Variants in KLF16 observed in about 807,000 individuals in gnomAD.
KLF16 encodes Krueppel-like factor 16.
A neutral mutation model predicts 6.1 loss-of-function variants in KLF16; 6 were observed. The ratio of observed to expected loss-of-function variants is 0.98; its 90% CI spans 0.54 to 1.93. The LOEUF (loss-of-function observed/expected upper bound fraction) is 1.93, where lower values mean the gene tolerates loss of function less well. Ranked by LOEUF, KLF16 falls within the 30% of genes most tolerant of loss-of-function variation. The pLI, the probability that KLF16 is intolerant of heterozygous loss-of-function variation, is 0.01. For missense variants in KLF16, 355 were observed against 363.8 expected, an observed-to-expected ratio of 0.98 and a Z score of 0.20; for synonymous variants, 211 against 176.5, an observed-to-expected ratio of 1.20 and a Z score of -1.55.
At chr19:1,873,617 T>C in the KLF16 span, among the ~76,000 whole-genome samples, 1 of 151,842 alleles carries the variant, frequency 6.6e-6, no homozygotes, top group Non-Finnish European at 1.5e-5. Flanking sequence ...TGAACAAGTG[T>C]GTCCTGGAAA....
chr19:1,863,027 G>A lies in KLF16; in HGVS notation c.457+14C>T, dbSNP rs763708980. On this transcript the variant is annotated intron_variant, in intron 1 of 1. Transcript: ENST00000250916. ...GGCCGCCCCCGCAAGGGCCGGGATC[G>A]CGGCTGCACTCACCTGTGTGCGTCC... 2 of 1,306,848 alleles carry A rather than the reference G, an allele frequency of 1.5e-6. No homozygotes were observed. Among genetic ancestry groups the A allele is most frequent in the Non-Finnish European group, 2.0e-6 (2 of 1,005,790 alleles). 81.0% of individuals were successfully genotyped at this position (1,306,848 alleles called of 1,614,324 possible).
At chr19:1,856,117 A>G (rs866303643) in intron 1 of KLF16, among the ~76,000 whole-genome samples, 1 of 152,188 alleles carries the variant, frequency 6.6e-6, no homozygotes. Context: ...CCACCGGTCC[A>G]TGAAGAACTG....
upstream of KLF16, among the ~76,000 whole-genome samples, chr19:1,865,600 G>T (rs1240255607): frequency 1.3e-5 from 2 of 152,208 alleles, no homozygotes; most frequent in African/African-American, 4.8e-5. Context: ...CCCCAGGCAG[G>T]ACCTTCACTG....
chr19:1,873,021 A>C, the KLF16 span, among the ~76,000 whole-genome samples: 1 of 152,008 alleles, frequency 6.6e-6, no homozygotes, highest in African/African-American at 2.4e-5. Flanking sequence ...AGGAAAGAGG[A>C]GGCGCCTGCT....
Position 1,863,080 on chromosome 19 carries a change from TGTA to T in KLF16, c.415_417del (p.Tyr139del). 1.4e-6 allele frequency: 2 copies of T among 1,410,392 alleles called. No homozygotes were observed. The highest frequency in any genetic ancestry group is 1.9e-6 in the Non-Finnish European group (2 of 1,063,888). 87.4% of individuals were successfully genotyped at this position (1,410,392 alleles called of 1,614,324 possible). The stretch of plus-strand genomic sequence containing the variant: ...AGGTGCGACTTTAGGTGCGAGGACT[TGTA>T]GTAGGCTTTGGCGCAGTCCGGGAAG... On this transcript the variant is annotated inframe_deletion, in exon 1 of 2. Transcript: ENST00000250916.
At chr19:1,858,060 C>T (rs981001760) in intron 1 of KLF16, among the ~76,000 whole-genome samples, 1 of 152,076 alleles carries the variant, frequency 6.6e-6, no homozygotes, top group Non-Finnish European at 1.5e-5. Context: ...TCCCCCATCC[C>T]CACTCCTCCA....
the KLF16 span, among the ~76,000 whole-genome samples, chr19:1,873,921 A>G: frequency 6.6e-6 from 1 of 152,250 alleles, no homozygotes; most frequent in East Asian, 1.9e-4. Flanking sequence ...GCCCTGCCGA[A>G]GCCTCGGTGC....
At position 1,862,833 on chromosome 19, in the gene KLF16, C is replaced by G. The variant is rs552053938; in HGVS notation, c.457+208G>C. 4.7e-3 allele frequency: 1,504 copies of G among 320,240 alleles called. 21 individuals are homozygous for G. Among genetic ancestry groups the G allele is most frequent in the African/African-American group, 0.031 (1,411 of 45,558 alleles). 19.8% of individuals were successfully genotyped at this position (320,240 alleles called of 1,614,324 possible). On this transcript the variant is annotated intron_variant, in intron 1 of 1. Transcript: ENST00000250916. ...GGAGCCCCCGCCACTGCCGCCGGGG[C>G]GGCCATCCGCTCGCCGCCCGACCGC...
At chr19:1,869,086 A>C in the KLF16 span, among the ~76,000 whole-genome samples, 1 of 152,180 alleles carries the variant, frequency 6.6e-6, no homozygotes, top group Non-Finnish European at 1.5e-5. Context: ...GGGACCCTGG[A>C]TGGGGGCCGG....
At chr19:1,865,030 A>G (rs1303009992), upstream of KLF16, among the ~76,000 whole-genome samples, 1 of 152,180 alleles carries the variant, frequency 6.6e-6, no homozygotes, top group Non-Finnish European at 1.5e-5. Flanking sequence ...CTGCAACCCC[A>G]GCTGACGCCC....
upstream of KLF16, among the ~76,000 whole-genome samples, chr19:1,867,033 C>T (rs1467629199): frequency 3.3e-5 from 5 of 152,186 alleles, no homozygotes; most frequent in Admixed American, 2.6e-4. Flanking sequence ...ACCTCCCAAG[C>T]CTGAGGGCTA....
chr19:1,854,789 G>A, intron 1 of KLF16, 29 bp from the exon 2 acceptor site: 1 of 1,594,568 alleles, frequency 6.3e-7, no homozygotes, highest in Non-Finnish European at 8.5e-7. Flanking sequence ...ACAGACAGCG[G>A]GTCAGCGGGG....
chr19:1,870,651 G>A, the KLF16 span, among the ~76,000 whole-genome samples: 1 of 151,898 alleles, frequency 6.6e-6, no homozygotes, highest in Non-Finnish European at 1.5e-5. Flanking sequence ...CTCCAGCCCA[G>A]GTAACAGGGT....
chr19:1,863,421 T>G lies in KLF16; in HGVS notation c.77A>C (p.His26Pro). 9.9e-7 allele frequency: 1 copy of G among 1,012,830 alleles called. No homozygotes were observed. The highest frequency in any genetic ancestry group is 1.2e-6 in the Non-Finnish European group (1 of 850,104). The allele number at this position is 1,012,830 out of a possible 1,614,324, so 62.7% of individuals were successfully genotyped here. A position where few individuals can be genotyped will look rare whatever the true frequency, so the allele number is the denominator to read the frequency against. ...LMAISSGAVV[H>P]RGRPGPEGAG... ...GCCCTCGGGGCCGGGCCGCCCGCGG[T>G]GCACCACGGCGCCCGAAGAGATGGC... Residue 26 changes from histidine to proline, a missense_variant, in exon 1 of 2, where the codon CAC becomes CCC. By Grantham distance (77) the His-to-Pro change is moderately conservative. Transcript: ENST00000250916.
At chr19:1,864,012 C>G (rs527298830), upstream of KLF16, among the ~76,000 whole-genome samples, 1 of 146,608 alleles carries the variant, frequency 6.8e-6, no homozygotes, top group South Asian at 2.1e-4. Context: ...GAGGACCCCG[C>G]CCCCTCTCCG....
chr19:1,864,157 G>T (rs1368792880), upstream of KLF16, among the ~76,000 whole-genome samples: 1 of 149,746 alleles, frequency 6.7e-6, no homozygotes, highest in Non-Finnish European at 1.5e-5. Context: ...CCCCCTCCCC[G>T]GATGCTTCCC....
rs1490335629 is a variant in KLF16, at chr19:1,862,949, G to A, written c.457+92C>T. The A allele has an allele frequency of 7.9e-6, 6 of 761,104 alleles. No individual in the cohort carries two copies. In the East Asian group the frequency reaches 2.9e-4, roughly 36 times the overall value. 47.1% of individuals were successfully genotyped at this position (761,104 alleles called of 1,614,324 possible). ...GCGGCCCGGGCGCGCCCCCCTCCCCGCCCCCCACGCGCCACGCAGTTTCGG... is the reference window on the plus strand; with the variant it reads ...GCGGCCCGGGCGCGCCCCCCTCCCCACCCCCCACGCGCCACGCAGTTTCGG... On this transcript the variant is annotated intron_variant, in intron 1 of 1. Coordinates refer to ENST00000250916, the MANE Select transcript of KLF16 (RefSeq NM_031918.4).
At chr19:1,854,847 G>A (rs1478076490) in intron 1 of KLF16, 87 bp from the exon 2 acceptor site, 5 of 1,450,846 alleles carry the variant, frequency 3.4e-6, no homozygotes, top group Non-Finnish European at 4.7e-6. Flanking sequence ...AAGGGTGGCG[G>A]GCATTTGTCC....
chr19:1,863,350 C>T lies in KLF16; in HGVS notation c.148G>A (p.Ala50Thr), dbSNP rs2012113109. ...GGCCCCGGGGTCCCGGGTGAGGCGGCCTCGCGGCGCGCCGCGCGCACATCC... is the reference window on the plus strand; with the variant it reads ...GGCCCCGGGGTCCCGGGTGAGGCGGTCTCGCGGCGCGCCGCGCGCACATCC... The part of the protein sequence containing the change: ...GLDVRAARRE[A>T]ASPGTPGPPP... The change falls in exon 1 of 2, where the codon GCC becomes ACC. Residue 50 changes from alanine (A) to threonine (T), a missense_variant. Transcript: ENST00000250916. 3 of 980,286 alleles carry T rather than the reference C, an allele frequency of 3.1e-6. No homozygotes were observed. The highest frequency in any genetic ancestry group is 3.6e-6 in the Non-Finnish European group (3 of 828,198). 60.7% of individuals were successfully genotyped at this position (980,286 alleles called of 1,614,324 possible).
Sources: gnomAD v4.1 joint callset for allele counts (sites outside exome capture counted in the v4.1 genomes callset) on GRCh38, gnomAD v4.1.1 for gene constraint, MANE v1.5 for transcripts, NCBI Gene and HGNC (gene_info 2026-07-23, HGNC 2026-07-21) for gene names.